Variants in MYD88 observed in about 807,000 individuals in gnomAD.
MYD88 encodes MYD88 innate immune signal transduction adaptor.
In MYD88, 15 loss-of-function variants were observed where a neutral mutation model predicts 31.1. The ratio of observed to expected loss-of-function variants is 0.48; its 90% confidence interval spans 0.32 to 0.74. MYD88 has a LOEUF of 0.74. Ranked by LOEUF, MYD88 falls within the 30% of genes least tolerant of loss-of-function variation. The pLI, the probability that MYD88 is intolerant of heterozygous loss-of-function variation, is 0.03. For missense variants in MYD88, 308 were observed against 387.4 expected (o/e 0.79, Z 1.72); for synonymous variants, 157 against 158.8 (o/e 0.99, Z 0.08).
chr3:38,141,377 G>A lies in MYD88; in HGVS notation c.*91G>A, dbSNP rs1388892586. On this transcript the variant is annotated 3_prime_UTR_variant, in exon 5 of 5. Coordinates refer to ENST00000650905, the MANE Select transcript of MYD88 (RefSeq NM_002468.5). ...CCTCCTTTCGTTGTAGGAGGAATCT[G>A]TGCTCTACTTACCTCTCAATTCCTG... is the stretch of plus-strand genomic sequence containing the variant. 1 of 1,541,294 alleles carries A rather than the reference G, an allele frequency of 6.5e-7. No homozygotes were observed. The highest frequency in any genetic ancestry group is 9.0e-7 in the Non-Finnish European group (1 of 1,115,584).
Position 38,138,871 on chromosome 3 carries a change from G to C in MYD88, c.171G>C (p.Glu57Asp). The change falls in exon 1 of 5, where the codon GAG becomes GAC. Residue 57 changes from glutamate to aspartate, a missense_variant. By Grantham distance (45) the Glu-to-Asp change is conservative. Coordinates refer to ENST00000650905, the MANE Select transcript of MYD88 (RefSeq NM_002468.5). This position sits in a 1 kb window ranked among gnomAD's most constrained non-coding sequence, Gnocchi z 6.4. ...WTALAEEMDF[E>D]YLEIRQLETQ... is the part of the protein sequence containing the mutation. Reference sequence around the variant, plus strand: ...CGCTGGCGGAGGAGATGGACTTTGAGTACTTGGAGATCCGGCAACTGGAGA... The same window carrying C: ...CGCTGGCGGAGGAGATGGACTTTGACTACTTGGAGATCCGGCAACTGGAGA... The C allele has an allele frequency of 1.2e-6, 2 of 1,613,796 alleles. No homozygotes were observed. The highest frequency in any genetic ancestry group is 1.7e-6 in the Non-Finnish European group (2 of 1,180,012).
Position 38,142,639 on chromosome 3 carries a change from A to G in MYD88, c.*1353A>G, listed in dbSNP as rs547356475. On this transcript the variant is annotated 3_prime_UTR_variant, in exon 5 of 5. Coordinates refer to ENST00000650905, the MANE Select transcript of MYD88 (RefSeq NM_002468.5). The stretch of plus-strand genomic sequence containing the variant: ...CCAGAGCAATTTATACTTTACCCTC[A>G]GGCTGTCCTCTGGGGAGAAGGTGCC... 8.3e-4 allele frequency: 193 copies of G among 233,342 alleles called. 1 individual carries two copies. The highest frequency in any genetic ancestry group is 2.8e-3 in the African/African-American group (127 of 45,472). The allele number at this position is 233,342 out of a possible 1,614,324, so 14.5% of individuals were successfully genotyped here. A position where few individuals can be genotyped will look rare whatever the true frequency, so the allele number is the denominator to read the frequency against.
In MYD88 at chr3:38,142,118, A is replaced by C. The variant is rs139252246; in HGVS notation, c.*832A>C. 1.8e-4 allele frequency: 43 copies of C among 233,816 alleles called. No individual in the cohort carries two copies. Among genetic ancestry groups the C allele is most frequent in the African/African-American group, 9.2e-4 (42 of 45,432 alleles). 14.5% of individuals were successfully genotyped at this position (233,816 alleles called of 1,614,324 possible). ...TATTCATCAAGTATGAGTTCTGGGG[A>C]TGAGTCACTGTAATGATGTGAGCAG... On this transcript the variant is annotated 3_prime_UTR_variant, in exon 5 of 5. Coordinates refer to ENST00000650905, the MANE Select transcript of MYD88 (RefSeq NM_002468.5).
At position 38,138,823 on chromosome 3, in the gene MYD88, A is replaced by G; in HGVS notation, c.123A>G (p.Thr41=). ...TGTCTCTGTTCTTGAACGTGCGGACACAGGTGGCGGCCGACTGGACCGCGC... is the reference window on the plus strand; with the variant it reads ...TGTCTCTGTTCTTGAACGTGCGGACGCAGGTGGCGGCCGACTGGACCGCGC... ...RRLSLFLNVR[T]QVAADWTALA... The change falls in exon 1 of 5, where the codon ACA becomes ACG. Residue 41 remains threonine, a synonymous_variant. Coordinates refer to ENST00000650905, the MANE Select transcript of MYD88 (RefSeq NM_002468.5). The surrounding 1 kb of genome is among the most constrained non-coding windows in gnomAD (Gnocchi z 6.4). The G allele has an allele frequency of 6.2e-7, 1 of 1,613,736 alleles. No homozygotes were observed. The highest frequency in any genetic ancestry group is 8.5e-7 in the Non-Finnish European group (1 of 1,180,002).
chr3:38,140,378 C>T lies in MYD88; in HGVS notation c.464-10C>T. 1 of 1,614,070 alleles carries T rather than the reference C, an allele frequency of 6.2e-7. No homozygotes were observed. The highest frequency in any genetic ancestry group is 8.5e-7 in the Non-Finnish European group (1 of 1,179,972). ...GAGCTCTGACCACCACCCTTGTGCT[C>T]TGCACCCAGGGCATATGCCTGAGCG... On this transcript the variant is annotated splice_polypyrimidine_tract_variant and intron_variant, in intron 2 of 4. Transcript: ENST00000650905.
At chr3:38,140,120 TCA>T in intron 2 of MYD88, 122 bp downstream of exon 2, 1 of 1,272,358 alleles carries the variant, frequency 7.9e-7, no homozygotes, top group Non-Finnish European at 1.1e-6. Flanking sequence ...TTTCTGAGCC[TCA>T]GTTTCCTCAC....
chr3:38,140,679 G>A (rs1701057092), intron 3 of MYD88, 78 bp from the exon 4 acceptor site: 6 of 1,596,244 alleles, frequency 3.8e-6, no homozygotes, highest in Non-Finnish European at 5.2e-6. Flanking sequence ...GGCACAGTGG[G>A]CCCTTCCTGA....
At position 38,139,720 on chromosome 3, in the gene MYD88, T is replaced by C. The variant is rs1701027199; in HGVS notation, c.329-144T>C. 3 of 1,053,962 alleles carry C rather than the reference T, an allele frequency of 2.8e-6. No individual in the cohort carries two copies. Among genetic ancestry groups the C allele is most frequent in the Non-Finnish European group, 2.8e-6 (2 of 704,828 alleles). The allele number at this position is 1,053,962 out of a possible 1,614,324, so 65.3% of individuals were successfully genotyped here. On this transcript the variant is annotated intron_variant, in intron 1 of 4. Transcript: ENST00000650905. The surrounding 1 kb of genome is among the most constrained non-coding windows in gnomAD (Gnocchi z 4.7). The stretch of plus-strand genomic sequence containing the variant: ...GTGGGAGCTCAACTTCTCAGAGCCG[T>C]TGAGCTTCGCGTGGCACCAGTGAAC...
Position 38,141,502 on chromosome 3 carries a change from T to C in MYD88, c.*216T>C. ...TGAGTGGCATGTCCACTTGCTGGAT[T>C]ATCAGCCAGGACACTATAGAACAGG... On this transcript the variant is annotated 3_prime_UTR_variant, in exon 5 of 5. Coordinates refer to ENST00000650905, the MANE Select transcript of MYD88 (RefSeq NM_002468.5). 1.5e-6 allele frequency: 1 copy of C among 665,930 alleles called. No homozygotes were observed. The highest frequency in any genetic ancestry group is 2.7e-6 in the Non-Finnish European group (1 of 373,892). The allele number at this position is 665,930 out of a possible 1,614,324, so 41.3% of individuals were successfully genotyped here. A position where few individuals can be genotyped will look rare whatever the true frequency, so the allele number is the denominator to read the frequency against.
At chr3:38,140,639 T>C in intron 3 of MYD88, 71 bp downstream of exon 3, 3 of 1,603,192 alleles carry the variant, frequency 1.9e-6, no homozygotes, top group Non-Finnish European at 2.6e-6. Context: ...ATACTGGGCA[T>C]CTCCTCCTAG....
At position 38,141,461 on chromosome 3, in the gene MYD88, A is replaced by G. The variant is rs1401626159; in HGVS notation, c.*175A>G. The G allele has an allele frequency of 9.4e-6, 8 of 846,906 alleles. No individual in the cohort carries two copies. The highest frequency in any genetic ancestry group is 1.4e-5 in the Non-Finnish European group (7 of 516,630). The allele number at this position is 846,906 out of a possible 1,614,324, so 52.5% of individuals were successfully genotyped here. A position where few individuals can be genotyped will look rare whatever the true frequency, so the allele number is the denominator to read the frequency against. On this transcript the variant is annotated 3_prime_UTR_variant, in exon 5 of 5. Transcript: ENST00000650905. Reference sequence around the variant, plus strand: ...CTGGACATCACATTTCATGTCCTGCATGGAACCAGTGGCTGTGAGTGGCAT... The same window carrying G: ...CTGGACATCACATTTCATGTCCTGCGTGGAACCAGTGGCTGTGAGTGGCAT...
chr3:38,141,571 G>A lies in MYD88; in HGVS notation c.*285G>A, dbSNP rs915123047. 7.7e-6 allele frequency: 4 copies of A among 522,856 alleles called. No homozygotes were observed. In the Admixed American group the frequency reaches 1.2e-4, roughly 16 times the overall value. 32.4% of individuals were successfully genotyped at this position (522,856 alleles called of 1,614,324 possible). A position where few individuals can be genotyped will look rare whatever the true frequency, so the allele number is the denominator to read the frequency against. On this transcript the variant is annotated 3_prime_UTR_variant, in exon 5 of 5. Transcript: ENST00000650905. ...GGACCAGCAGAGCCAGCTCAGCTCT[G>A]AGCCATTCACACATCTTCACCCTCA...
rs143752366 is a variant in MYD88 at position 38,138,970 on chromosome 3, C to G, written c.270C>G (p.Leu90=). The change falls in exon 1 of 5, where the codon CTC becomes CTG. Residue 90 remains leucine, a synonymous_variant. Coordinates refer to ENST00000650905, the MANE Select transcript of MYD88 (RefSeq NM_002468.5). This position sits in a 1 kb window ranked among gnomAD's most constrained non-coding sequence, Gnocchi z 6.4. The part of the protein sequence containing the change: ...GRPGASVGRL[L]ELLTKLGRDD... ...CTGGCGCCTCTGTAGGCCGACTGCTCGAGCTGCTTACCAAGCTGGGCCGCG... is the reference window on the plus strand; with the variant it reads ...CTGGCGCCTCTGTAGGCCGACTGCTGGAGCTGCTTACCAAGCTGGGCCGCG... The G allele has an allele frequency of 5.6e-4, 906 of 1,608,828 alleles. 2 individuals carry two copies. The highest frequency in any genetic ancestry group is 7.2e-4 in the Non-Finnish European group (849 of 1,180,010).
At chr3:38,140,263 C>G (rs1701043859) in intron 2 of MYD88, 125 bp from the exon 3 acceptor site, 3 of 1,171,302 alleles carry the variant, frequency 2.6e-6, no homozygotes, top group Non-Finnish European at 3.7e-6. Context: ...AGGGCACTTT[C>G]TCTGAGGAGT....
chr3:38,141,012 G>C, intron 4 of MYD88, 120 bp from the exon 5 acceptor site: 8 of 1,458,426 alleles, frequency 5.5e-6, no homozygotes, highest in Non-Finnish European at 7.7e-6. Flanking sequence ...TTGTGTGAGT[G>C]AATGTGTGCC....
At chr3:38,140,163 G>A in intron 2 of MYD88, 165 bp downstream of exon 2, 1 of 1,010,858 alleles carries the variant, frequency 9.9e-7, no homozygotes, top group South Asian at 1.4e-5. Context: ...TCCTACCTCT[G>A]GATTGCTGTG....
In MYD88 at chr3:38,139,114, G is replaced by T. The variant is rs185124198; in HGVS notation, c.328+86G>T. ...CTCAGCATCCTGTCTCCCATGGAGA[G>T]ACCCCATTTCCTGCCTCGGGGGCCC... is the stretch of plus-strand genomic sequence containing the variant. On this transcript the variant is annotated intron_variant, in intron 1 of 4. Coordinates refer to ENST00000650905, the MANE Select transcript of MYD88 (RefSeq NM_002468.5). This position sits in a 1 kb window ranked among gnomAD's most constrained non-coding sequence, Gnocchi z 4.7. The T allele has an allele frequency of 1.3e-4, 186 of 1,483,844 alleles. 2 individuals carry two copies. The African/African-American group carries it at 2.4e-3, about 19-fold the overall frequency. The allele number at this position is 1,483,844 out of a possible 1,614,324, so 91.9% of individuals were successfully genotyped here.
rs1701026212 is a variant in MYD88 at position 38,139,705 on chromosome 3, A to G, written c.329-159A>G. The G allele has an allele frequency of 5.5e-6, 5 of 909,942 alleles. No individual in the cohort carries two copies. The highest frequency in any genetic ancestry group is 1.6e-5 in the African/African-American group (1 of 61,686). 56.4% of individuals were successfully genotyped at this position (909,942 alleles called of 1,614,324 possible). ...GGTCAGTTAGAGCCAGTGGGAGCTC[A>G]ACTTCTCAGAGCCGTTGAGCTTCGC... On this transcript the variant is annotated intron_variant, in intron 1 of 4. Coordinates refer to ENST00000650905, the MANE Select transcript of MYD88 (RefSeq NM_002468.5). The surrounding 1 kb of genome is among the most constrained non-coding windows in gnomAD (Gnocchi z 4.7).
In MYD88 at chr3:38,140,166, T is replaced by C. The variant is rs372282062; in HGVS notation, c.463+168T>C. 3,278 of 997,846 alleles carry C rather than the reference T, an allele frequency of 3.3e-3. 108 individuals are homozygous for C. The South Asian group carries it at 0.043, about 13-fold the overall frequency. The allele number at this position is 997,846 out of a possible 1,614,324, so 61.8% of individuals were successfully genotyped here. On this transcript the variant is annotated intron_variant, in intron 2 of 4. Coordinates refer to ENST00000650905, the MANE Select transcript of MYD88 (RefSeq NM_002468.5). ...TGGAGATAATAGTCCTACCTCTGGA[T>C]TGCTGTGAGATGCTCATGAAATAAT...
Sources: allele counts gnomAD v4.1 joint callset, GRCh38; gene constraint gnomAD v4.1.1; non-coding constraint Gnocchi (gnomAD v3.1); transcripts MANE v1.5; gene names NCBI Gene and HGNC (gene_info 2026-07-23, HGNC 2026-07-21).